BHLHE40: variants seen among roughly 807,000 people sequenced by gnomAD.
The protein encoded by BHLHE40 is class E basic helix-loop-helix protein 40.
Under a neutral mutation model 35.7 loss-of-function variants are expected in BHLHE40, and 3 were observed. That is an observed-to-expected ratio of 0.08 (90% CI 0.04 to 0.22). BHLHE40 has a LOEUF of 0.22. Among genes scored for constraint, BHLHE40 ranks in the 10% least tolerant of loss-of-function variants. BHLHE40 has a pLI of 1.00. For synonymous variants in BHLHE40, 236 were observed against 213.0 expected (o/e 1.11, Z -0.94); for missense variants, 486 against 524.0 (o/e 0.93, Z 0.71).
In BHLHE40 at chr3:4,985,000, A is replaced by T. The variant is rs905137309; in HGVS notation, c.*1308A>T. 1 of 152,474 alleles carries T rather than the reference A, an allele frequency of 6.6e-6. No individual in the cohort carries two copies. Among genetic ancestry groups the T allele is most frequent in the Non-Finnish European group, 1.5e-5 (1 of 68,022 alleles). The allele number at this position is 152,474 out of a possible 1,614,324, so 9.4% of individuals were successfully genotyped here. ...TACTTGATTCACACAGTGAGAAAAA[A>T]TGAATGTATTCCTGTTTTTGAAGAG... On this transcript the variant is annotated 3_prime_UTR_variant, in exon 5 of 5. Coordinates refer to ENST00000256495, the MANE Select transcript of BHLHE40 (RefSeq NM_003670.3).
chr3:4,980,175 G>T (rs2053179372), intron 2 of BHLHE40, 126 bp from the exon 3 acceptor site: 3 of 1,122,210 alleles, frequency 2.7e-6, no homozygotes, highest in Non-Finnish European at 4.0e-6. Context: ...AAAAGAAAGG[G>T]CAGACGATGG....
At position 4,983,850 on chromosome 3, in the gene BHLHE40, G is replaced by GTATGTA; in HGVS notation, c.*159_*160insATGTAT. 1 of 957,554 alleles carries GTATGTA rather than the reference G, an allele frequency of 1.0e-6. No individual in the cohort carries two copies. Among genetic ancestry groups the GTATGTA allele is most frequent in the South Asian group, 1.7e-5 (1 of 58,976 alleles). The allele number at this position is 957,554 out of a possible 1,614,324, so 59.3% of individuals were successfully genotyped here. A position where few individuals can be genotyped will look rare whatever the true frequency, so the allele number is the denominator to read the frequency against. Reference sequence around the variant, plus strand: ...TCAGGGTGTGTGTGTGTGTGTGTGTGTGTGTATGTGCGTGTGCGTGCACAT... The same window carrying GTATGTA: ...TCAGGGTGTGTGTGTGTGTGTGTGTGTATGTATGTGTATGTGCGTGTGCGTGCACAT... On this transcript the variant is annotated 3_prime_UTR_variant, in exon 5 of 5. Transcript: ENST00000256495. This position sits in a 1 kb window ranked among gnomAD's most constrained non-coding sequence, Gnocchi z 5.0.
chr3:4,983,846 G>GTA lies in BHLHE40; in HGVS notation c.*155_*156insAT. The stretch of plus-strand genomic sequence containing the variant: ...AGATTCAGGGTGTGTGTGTGTGTGT[G>GTA]TGTGTGTGTATGTGCGTGTGCGTGC... On this transcript the variant is annotated 3_prime_UTR_variant, in exon 5 of 5. Transcript: ENST00000256495. This position sits in a 1 kb window ranked among gnomAD's most constrained non-coding sequence, Gnocchi z 5.0. The GTA allele has an allele frequency of 9.7e-7, 1 of 1,029,726 alleles. No individual in the cohort carries two copies. Among genetic ancestry groups the GTA allele is most frequent in the Non-Finnish European group, 1.4e-6 (1 of 718,144 alleles). 63.8% of individuals were successfully genotyped at this position (1,029,726 alleles called of 1,614,324 possible). A position where few individuals can be genotyped will look rare whatever the true frequency, so the allele number is the denominator to read the frequency against.
rs1559236094 is a variant in BHLHE40 at position 4,979,986 on chromosome 3, A to G, written c.105A>G (p.Gln35=). 1 of 1,614,122 alleles carries G rather than the reference A, an allele frequency of 6.2e-7. No homozygotes were observed. Among genetic ancestry groups the G allele is most frequent in the Non-Finnish European group, 8.5e-7 (1 of 1,180,008 alleles). ...LPGMYPAHMY[Q]VYKSRRGIKR... ...GGATGTACCCTGCCCACATGTACCA[A>G]GTGTACAAGTCAAGACGGGGAATAA... Residue 35 remains glutamine (Q), a synonymous_variant, in exon 2 of 5, where the codon CAA becomes CAG. Transcript: ENST00000256495.
At position 4,983,275 on chromosome 3, in the gene BHLHE40, G is replaced by T; in HGVS notation, c.822G>T (p.Arg274Ser). The change falls in exon 5 of 5, where the codon AGG becomes AGT. Residue 274 changes from arginine (R) to serine (S), a missense_variant. Physicochemically the swap from Arg to Ser is moderately radical, Grantham distance 110 (BLOSUM62 -1). Around this residue, in one of 5 missense-constraint regions of BHLHE40, gnomAD observed 206 missense variants for 208.9 expected, o/e 0.99. Coordinates refer to ENST00000256495, the MANE Select transcript of BHLHE40 (RefSeq NM_003670.3). This position sits in a 1 kb window ranked among gnomAD's most constrained non-coding sequence, Gnocchi z 5.0. ...GACGCAGGTTCACGATGGGAGAAAG[G>T]ATCGGCGCAATTAAGCAAGAGTCCG... ...DHGRRFTMGE[R>S]IGAIKQESEE... 1 of 1,614,214 alleles carries T rather than the reference G, an allele frequency of 6.2e-7. No homozygotes were observed. Among genetic ancestry groups the T allele is most frequent in the Non-Finnish European group, 8.5e-7 (1 of 1,180,030 alleles).
chr3:4,982,772 G>A (rs933649148), intron 4 of BHLHE40, 64 bp from the exon 5 acceptor site: 23 of 1,579,962 alleles, frequency 1.5e-5, no homozygotes, highest in Non-Finnish European at 1.9e-5. Flanking sequence ...GTTTTTTGGA[G>A]TATAGTTTCC....
chr3:4,983,127 G>T lies in BHLHE40; in HGVS notation c.674G>T (p.Arg225Leu). The change falls in exon 5 of 5, where the codon CGG becomes CTG. Residue 225 changes from arginine (R) to leucine (L), a missense_variant. Physicochemically the swap from Arg to Leu is moderately radical, Grantham distance 102 (BLOSUM62 -2). Coordinates refer to ENST00000256495, the MANE Select transcript of BHLHE40 (RefSeq NM_003670.3). The surrounding 1 kb of genome is among the most constrained non-coding windows in gnomAD (Gnocchi z 5.0). ...PGKNCVPVIQ[R>L]TFAHSSGEQS... is the part of the protein sequence containing the mutation. ...AAAAACTGCGTGCCAGTCATCCAGC[G>T]GACTTTCGCTCACTCGAGTGGGGAG... 1 of 1,614,110 alleles carries T rather than the reference G, an allele frequency of 6.2e-7. No homozygotes were observed. The highest frequency in any genetic ancestry group is 8.5e-7 in the Non-Finnish European group (1 of 1,179,990).
In BHLHE40 at chr3:4,979,499, C is replaced by T; in HGVS notation, c.-220C>T. 1 of 598,388 alleles carries T rather than the reference C, an allele frequency of 1.7e-6. No homozygotes were observed. The highest frequency in any genetic ancestry group is 3.0e-6 in the Non-Finnish European group (1 of 337,064). 37.1% of individuals were successfully genotyped at this position (598,388 alleles called of 1,614,324 possible). A position where few individuals can be genotyped will look rare whatever the true frequency, so the allele number is the denominator to read the frequency against. On this transcript the variant is annotated 5_prime_UTR_variant, in exon 1 of 5. Transcript: ENST00000256495. ...GGAGCACACACCGCCAGTCTGTGCG[C>T]TGAGTCGGAGCCAGAGGCCGCGGGG...
Position 4,985,243 on chromosome 3 carries a change from T to A in BHLHE40, c.*1551T>A, listed in dbSNP as rs1409491998. Reference sequence around the variant, plus strand: ...TGTGATATGGCTGACTCCCATGTCCTTCTTTCTTGGCTGAAGCAAACCAGT... The same window carrying A: ...TGTGATATGGCTGACTCCCATGTCCATCTTTCTTGGCTGAAGCAAACCAGT... On this transcript the variant is annotated 3_prime_UTR_variant, in exon 5 of 5. Transcript: ENST00000256495. 2 of 152,440 alleles carry A rather than the reference T, an allele frequency of 1.3e-5. No individual in the cohort carries two copies. The highest frequency in any genetic ancestry group is 4.1e-4 in the South Asian group (2 of 4,836). The allele number at this position is 152,440 out of a possible 1,614,324, so 9.4% of individuals were successfully genotyped here.
At position 4,980,424 on chromosome 3, in the gene BHLHE40, GC is replaced by G. The variant is rs1235296111; in HGVS notation, c.258+20del. ...CAAACTTACAGTAAGTGAGAAGCTG[GC>G]CCCTTTCCAACCCAGTCCTTTGCCC... On this transcript the variant is annotated intron_variant, in intron 3 of 4. Coordinates refer to ENST00000256495, the MANE Select transcript of BHLHE40 (RefSeq NM_003670.3). 6.2e-7 allele frequency: 1 copy of G among 1,607,702 alleles called. No individual in the cohort carries two copies. The highest frequency in any genetic ancestry group is 8.5e-7 in the Non-Finnish European group (1 of 1,174,612).
rs1463265378 is a variant in BHLHE40, at chr3:4,984,629, T to G, written c.*937T>G. 6.6e-6 allele frequency: 1 copy of G among 152,658 alleles called. No homozygotes were observed. Among genetic ancestry groups the G allele is most frequent in the East Asian group, 1.9e-4 (1 of 5,202 alleles). 9.5% of individuals were successfully genotyped at this position (152,658 alleles called of 1,614,324 possible). On this transcript the variant is annotated 3_prime_UTR_variant, in exon 5 of 5. Transcript: ENST00000256495. ...TCCTAAAACTCCTTTTAACCAAGCT[T>G]AGCTTCTCAAAGGCCTAACCAAGCC...
In BHLHE40 at chr3:4,979,505, C is replaced by A. The variant is rs1347805823; in HGVS notation, c.-214C>A. 5 of 603,228 alleles carry A rather than the reference C, an allele frequency of 8.3e-6. No homozygotes were observed. The highest frequency in any genetic ancestry group is 1.5e-5 in the Non-Finnish European group (5 of 340,990). 37.4% of individuals were successfully genotyped at this position (603,228 alleles called of 1,614,324 possible). A position where few individuals can be genotyped will look rare whatever the true frequency, so the allele number is the denominator to read the frequency against. ...CACACCGCCAGTCTGTGCGCTGAGT[C>A]GGAGCCAGAGGCCGCGGGGACACCG... On this transcript the variant is annotated 5_prime_UTR_variant, in exon 1 of 5. Transcript: ENST00000256495.
intron 4 of BHLHE40, 138 bp from the exon 5 acceptor site, chr3:4,982,698 T>C: frequency 9.5e-7 from 1 of 1,055,344 alleles, no homozygotes; most frequent in Non-Finnish European, 1.4e-6. Context: ...AGCATACTAC[T>C]TTTGGAGTTA....
At chr3:4,980,518 G>A in intron 3 of BHLHE40, 110 bp downstream of exon 3, 2 of 881,900 alleles carry the variant, frequency 2.3e-6, no homozygotes, top group Middle Eastern at 2.3e-4. Context: ...TGGCGGATCA[G>A]AGCTGGCGGG....
At chr3:4,980,707 C>G (rs1346489436) in intron 3 of BHLHE40, among the ~76,000 whole-genome samples, 1 of 152,138 alleles carries the variant, frequency 6.6e-6, no homozygotes, top group Non-Finnish European at 1.5e-5. Context: ...TAAAGGAACA[C>G]GCCAAGAAAC....
chr3:4,980,450 C>CTCTGGGCAA, intron 3 of BHLHE40, 42 bp downstream of exon 3: 1 of 1,566,398 alleles, frequency 6.4e-7, no homozygotes, highest in African/African-American at 1.4e-5. Flanking sequence ...GTCCTTTGCC[C>CTCTGGGCAA]AGAGGGCGGG....
Position 4,983,862 on chromosome 3 carries a change from G to GTGTA in BHLHE40, c.*173_*174insATGT, listed in dbSNP as rs1391098226. On this transcript the variant is annotated 3_prime_UTR_variant, in exon 5 of 5. Coordinates refer to ENST00000256495, the MANE Select transcript of BHLHE40 (RefSeq NM_003670.3). This position sits in a 1 kb window ranked among gnomAD's most constrained non-coding sequence, Gnocchi z 5.0. ...TGTGTGTGTGTGTGTGTGTATGTGC[G>GTGTA]TGTGCGTGCACATGTGTGCCTGCGT... 88 of 744,422 alleles carry GTGTA rather than the reference G, an allele frequency of 1.2e-4. No individual in the cohort carries two copies. The African/African-American group carries it at 1.2e-3, about 10-fold the overall frequency. 46.1% of individuals were successfully genotyped at this position (744,422 alleles called of 1,614,324 possible). A position where few individuals can be genotyped will look rare whatever the true frequency, so the allele number is the denominator to read the frequency against.
rs371642469 is a variant in BHLHE40 at position 4,983,730 on chromosome 3, C to T, written c.*38C>T. On this transcript the variant is annotated 3_prime_UTR_variant, in exon 5 of 5. Coordinates refer to ENST00000256495, the MANE Select transcript of BHLHE40 (RefSeq NM_003670.3). The surrounding 1 kb of genome is among the most constrained non-coding windows in gnomAD (Gnocchi z 5.0). Reference sequence around the variant, plus strand: ...ATCCTGCTGCTTTGCTTTCCTTCCTCGCTACTTCCTAAAAAGCAACAAAAA... The same window carrying T: ...ATCCTGCTGCTTTGCTTTCCTTCCTTGCTACTTCCTAAAAAGCAACAAAAA... The T allele has an allele frequency of 2.5e-4, 382 of 1,542,474 alleles. No homozygotes were observed. The highest frequency in any genetic ancestry group is 3.1e-4 in the Non-Finnish European group (357 of 1,149,998).
At chr3:4,982,179 C>T (rs771074406) in intron 4 of BHLHE40, among the ~76,000 whole-genome samples, 5 of 152,154 alleles carry the variant, frequency 3.3e-5, no homozygotes, top group Non-Finnish European at 7.4e-5. Flanking sequence ...GCCTTCCTCT[C>T]GAAGGCTCGT....
Sources: gnomAD v4.1 joint callset for allele counts (sites outside exome capture counted in the v4.1 genomes callset) on GRCh38, gnomAD v4.1.1 for gene constraint, gnomAD v4.1.1 regional missense constraint, Gnocchi (gnomAD v3.1) non-coding constraint, MANE v1.5 for transcripts, NCBI Gene and HGNC (gene_info 2026-07-23, HGNC 2026-07-21) for gene names.